GRIA4: variants seen among roughly 807,000 people sequenced by gnomAD.
GRIA4 encodes glutamate ionotropic receptor AMPA type subunit 4.
A neutral mutation model predicts 104.0 loss-of-function variants in GRIA4; 34 were observed. The ratio of observed to expected loss-of-function variants is 0.33; its 90% confidence interval spans 0.25 to 0.44. GRIA4 has a LOEUF of 0.44. GRIA4 is among the 20% of genes least tolerant of loss of function. The pLI is 1.00. For missense variants in GRIA4, 750 were observed against 1,096.5 expected (o/e 0.68, Z 4.46); for synonymous variants, 386 against 381.9 (o/e 1.01, Z -0.13).
chr11:105,895,398 T>C (rs185486479), intron 6 of GRIA4, among the ~76,000 whole-genome samples: 37 of 152,118 alleles, frequency 2.4e-4, no homozygotes, highest in Admixed American at 2.4e-3. Flanking sequence ...GTGTGGATTT[T>C]TATAAGGTAC....
chr11:105,691,094 C>G (rs866346920), intron 3 of GRIA4, among the ~76,000 whole-genome samples: 21 of 152,120 alleles, frequency 1.4e-4, no homozygotes, highest in Middle Eastern at 3.4e-3. Flanking sequence ...TGCGTGCAAA[C>G]ATGTGTGGAG....
At chr11:105,759,738 C>T (rs928824630) in intron 4 of GRIA4, among the ~76,000 whole-genome samples, 3 of 152,132 alleles carry the variant, frequency 2.0e-5, no homozygotes, top group African/African-American at 7.2e-5. Context: ...CTCTTATTCA[C>T]CATTTGGGTC....
At chr11:105,718,337 A>G (rs1954171714) in intron 3 of GRIA4, among the ~76,000 whole-genome samples, 1 of 152,158 alleles carries the variant, frequency 6.6e-6, no homozygotes, top group African/African-American at 2.4e-5. Flanking sequence ...TCCTTGGTTT[A>G]ATTCACAGAT....
rs139801426 is a variant in GRIA4, at chr11:105,876,803, T to C, written c.673-10716T>C. On this transcript the variant is annotated intron_variant, in intron 5 of 16. Coordinates refer to ENST00000282499, the MANE Select transcript of GRIA4 (RefSeq NM_000829.4). ...TCCATCTCTTTATTTTGAGCTTATA[T>C]GTGTCTTTGCACATGAGATGGGTCG... Among the ~76,000 whole-genome samples, 597 of 152,330 alleles carry C rather than the reference T, an allele frequency of 3.9e-3. 11 individuals are homozygous for C. The highest frequency in any genetic ancestry group is 0.014 in the African/African-American group (566 of 41,570).
chr11:105,750,198 G>T (rs1939919033), intron 3 of GRIA4, among the ~76,000 whole-genome samples: 1 of 152,030 alleles, frequency 6.6e-6, no homozygotes, highest in Non-Finnish European at 1.5e-5. Context: ...TTTAAAATTT[G>T]AATCACTGGA....
chr11:105,662,162 C>T (rs1952032779), intron 3 of GRIA4, among the ~76,000 whole-genome samples: 1 of 151,798 alleles, frequency 6.6e-6, no homozygotes, highest in Non-Finnish European at 1.5e-5. Flanking sequence ...TGTTGATGCA[C>T]TTATTGACTA....
At chr11:105,868,415 T>C (rs1945503993) in intron 5 of GRIA4, among the ~76,000 whole-genome samples, 3 of 152,158 alleles carry the variant, frequency 2.0e-5, no homozygotes, top group Admixed American at 2.0e-4. Flanking sequence ...ATCTTTCCTA[T>C]TGAAATCTTA....
intron 3 of GRIA4, among the ~76,000 whole-genome samples, chr11:105,644,048 A>G (rs1041672469): frequency 1.3e-5 from 2 of 152,200 alleles, no homozygotes; most frequent in African/African-American, 4.8e-5. Context: ...AGTTATCAAT[A>G]TGATTGACAT....
At chr11:105,800,564 A>G (rs567086998) in intron 4 of GRIA4, among the ~76,000 whole-genome samples, 4 of 152,214 alleles carry the variant, frequency 2.6e-5, no homozygotes, top group Non-Finnish European at 5.9e-5. Flanking sequence ...AAATTAATAT[A>G]GACTAAATAT....
At chr11:105,928,938 CTG>C (rs1947795610) in intron 13 of GRIA4, among the ~76,000 whole-genome samples, 1 of 152,088 alleles carries the variant, frequency 6.6e-6, no homozygotes, top group African/African-American at 2.4e-5. Flanking sequence ...TCCATACAAA[CTG>C]TGCAAGCACC....
chr11:105,794,485 A>G (rs868304362), intron 4 of GRIA4, among the ~76,000 whole-genome samples: 12 of 106,404 alleles, frequency 1.1e-4, no homozygotes, highest in Admixed American at 5.3e-4. Context: ...ATATATATAT[A>G]TATATATATA....
intron 3 of GRIA4, among the ~76,000 whole-genome samples, chr11:105,747,773 A>G (rs1939750462): frequency 6.6e-6 from 1 of 152,200 alleles, no homozygotes; most frequent in African/African-American, 2.4e-5. Context: ...TTCTAGCAAT[A>G]TATCCTAATG....
rs78845653 is a variant in GRIA4 at position 105,855,973 on chromosome 11, C to A, written c.488-6051C>A. 4.7e-3 allele frequency among the ~76,000 whole-genome samples: 709 copies of A among 152,226 alleles called. 7 individuals carry two copies. The highest frequency in any genetic ancestry group is 0.016 in the African/African-American group (667 of 41,534). ...GTCAAAAAAACCCTAAGAGTTCAAT[C>A]TGAAAATAGAAGTAGAATGACCACC... On this transcript the variant is annotated intron_variant, in intron 4 of 16. Coordinates refer to ENST00000282499, the MANE Select transcript of GRIA4 (RefSeq NM_000829.4).
intron 14 of GRIA4, among the ~76,000 whole-genome samples, chr11:105,953,854 T>C (rs1354132916): frequency 6.6e-6 from 1 of 152,160 alleles, no homozygotes; most frequent in Non-Finnish European, 1.5e-5. Flanking sequence ...TAATACTTGT[T>C]AGGGAAAGAA....
chr11:105,813,875 AAACTCTGTCTC>A (rs1055995657), intron 4 of GRIA4, among the ~76,000 whole-genome samples: 42 of 152,236 alleles, frequency 2.8e-4, no homozygotes, highest in African/African-American at 9.1e-4. Flanking sequence ...TGAGAGAGAC[AAACTCTGTCTC>A]ATGAGAGAGA....
intron 3 of GRIA4, among the ~76,000 whole-genome samples, chr11:105,693,190 C>CATGACTA: frequency 6.6e-6 from 1 of 152,280 alleles, no homozygotes; most frequent in African/African-American, 2.4e-5. Flanking sequence ...AGACCAAAAA[C>CATGACTA]ATGACTAATA....
chr11:105,971,272 T>G (rs1858678282), intron 14 of GRIA4, among the ~76,000 whole-genome samples: 1 of 152,204 alleles, frequency 6.6e-6, no homozygotes, highest in Non-Finnish European at 1.5e-5. Context: ...AAGACTGCAA[T>G]TTAGAAGGAA....
intron 3 of GRIA4, among the ~76,000 whole-genome samples, chr11:105,705,682 A>C (rs575449326): frequency 2.6e-5 from 4 of 152,156 alleles, no homozygotes; most frequent in Non-Finnish European, 5.9e-5. Flanking sequence ...ACAATTAGAG[A>C]AATAGTACAA....
intron 14 of GRIA4, among the ~76,000 whole-genome samples, chr11:105,970,367 A>T (rs1395800297): frequency 6.6e-6 from 1 of 152,214 alleles, no homozygotes; most frequent in East Asian, 1.9e-4. Context: ...GGCCCAATTA[A>T]CTAGAAACAT....
Sources: allele counts gnomAD v4.1 joint callset (sites outside exome capture counted in the v4.1 genomes callset), GRCh38; gene constraint gnomAD v4.1.1; transcripts MANE v1.5; gene names NCBI Gene and HGNC (gene_info 2026-07-23, HGNC 2026-07-21).